Variants in TMTC3 observed in about 807,000 individuals in gnomAD.
TMTC3 encodes protein O-mannosyl-transferase TMTC3.
TMTC3 carries 52 observed loss-of-function variants against 92.2 expected under a neutral mutation model. That is an observed-to-expected ratio of 0.56 (90% CI 0.45 to 0.71). The LOEUF is 0.71. Among genes scored for constraint, TMTC3 ranks in the 30% least tolerant of loss-of-function variants. The probability of loss-of-function intolerance (pLI) is 0.00; values close to 1 mark genes in which losing one functional copy is unlikely to be tolerated. For synonymous variants in TMTC3, 339 were observed against 363.3 expected (o/e 0.93, Z 0.76); for missense variants, 896 against 1,057.1 (o/e 0.85, Z 2.11).
rs1389141684 is a variant in TMTC3, at chr12:88,166,471, G to C, written c.939G>C (p.Glu313Asp). The C allele has an allele frequency of 3.7e-6, 6 of 1,613,796 alleles. No individual in the cohort carries two copies. The highest frequency in any genetic ancestry group is 5.1e-6 in the Non-Finnish European group (6 of 1,179,916). ...DWTMGTIPLI[E>D]SLLDIRNLAT... is the part of the protein sequence containing the mutation. ...CCATGGGAACAATACCACTTATAGA[G>C]TCATTACTAGATATTCGAAATCTGG... The change falls in exon 7 of 14, where the codon GAG becomes GAC. Residue 313 changes from glutamate to aspartate, a missense_variant. By Grantham distance (45) the Glu-to-Asp change is conservative. Transcript: ENST00000266712.
rs1555234668 is a variant in TMTC3, at chr12:88,192,028, C to CTTTTCTT, written c.1707-572_1707-571insCTTTTTT. On this transcript the variant is annotated intron_variant, in intron 12 of 13. Transcript: ENST00000266712. The stretch of plus-strand genomic sequence containing the variant: ...CCAGCATTTTTCTTTTTTTTTTTTT[C>CTTTTCTT]TTTTTTTTTTTTAAGAATGGTCGTA... Among the ~76,000 whole-genome samples, 890 of 123,024 alleles carry CTTTTCTT rather than the reference C, an allele frequency of 7.2e-3. 3 individuals are homozygous for CTTTTCTT. The highest frequency in any genetic ancestry group is 0.034 in the South Asian group (131 of 3,868). 80.7% of individuals were successfully genotyped at this position (123,024 alleles called of 152,430 possible). A position where few individuals can be genotyped will look rare whatever the true frequency, so the allele number is the denominator to read the frequency against.
At chr12:88,167,703 T>G (rs2041161461) in intron 7 of TMTC3, among the ~76,000 whole-genome samples, 1 of 152,192 alleles carries the variant, frequency 6.6e-6, no homozygotes, top group Non-Finnish European at 1.5e-5. Flanking sequence ...ACAGAGTAGA[T>G]TTAAAGATTG....
chr12:88,156,954 T>G (rs2041019872), intron 4 of TMTC3, among the ~76,000 whole-genome samples: 1 of 152,028 alleles, frequency 6.6e-6, no homozygotes, highest in Admixed American at 6.6e-5. Context: ...AGTAATGTTG[T>G]TTTCTATACC....
At chr12:88,181,370 C>T (rs2041316453) in intron 10 of TMTC3, among the ~76,000 whole-genome samples, 1 of 152,116 alleles carries the variant, frequency 6.6e-6, no homozygotes. Flanking sequence ...AAGGAGGAGA[C>T]ATGCCTGTGA....
At chr12:88,147,247 TTTAC>T (rs2040887342) in intron 1 of TMTC3, among the ~76,000 whole-genome samples, 1 of 152,112 alleles carries the variant, frequency 6.6e-6, no homozygotes, top group Admixed American at 6.6e-5. Flanking sequence ...ACAGGTTTAA[TTTAC>T]TTTTTTCTTC....
chr12:88,169,995 G>A (rs1275929877), intron 7 of TMTC3, among the ~76,000 whole-genome samples: 2 of 151,798 alleles, frequency 1.3e-5, no homozygotes, highest in East Asian at 3.9e-4. Context: ...TGACTGAGTG[G>A]TTTGCCGTAT....
In TMTC3 at chr12:88,195,739, G is replaced by A. The variant is rs2041505074; in HGVS notation, c.*90G>A. ...TGGGAGCTTTGAAAAAAAGTTCAAG[G>A]GTTCCTAATGGTCAATCATGAGCTG... On this transcript the variant is annotated 3_prime_UTR_variant, in exon 14 of 14. Coordinates refer to ENST00000266712, the MANE Select transcript of TMTC3 (RefSeq NM_181783.4). 2 of 1,055,762 alleles carry A rather than the reference G, an allele frequency of 1.9e-6. No homozygotes were observed. The highest frequency in any genetic ancestry group is 2.7e-6 in the Non-Finnish European group (2 of 741,478). 65.4% of individuals were successfully genotyped at this position (1,055,762 alleles called of 1,614,324 possible). A position where few individuals can be genotyped will look rare whatever the true frequency, so the allele number is the denominator to read the frequency against.
rs2041547964 is a variant in TMTC3 at position 88,198,902 on chromosome 12, A to G, written c.*3253A>G. On this transcript the variant is annotated 3_prime_UTR_variant, in exon 14 of 14. Transcript: ENST00000266712. ...TTTGTCCAAAAGTTTATCTGTTGGAAGCCGCCAGCCATTCATGTAGAGAGT... is the reference window on the plus strand; with the variant it reads ...TTTGTCCAAAAGTTTATCTGTTGGAGGCCGCCAGCCATTCATGTAGAGAGT... 6.6e-6 allele frequency: 1 copy of G among 152,330 alleles called. No homozygotes were observed. The highest frequency in any genetic ancestry group is 1.9e-4 in the East Asian group (1 of 5,202). 9.4% of individuals were successfully genotyped at this position (152,330 alleles called of 1,614,324 possible).
rs149295304 is a variant in TMTC3, at chr12:88,178,759, A to G, written c.1432+2440A>G. ...TCTAAGAGTTTTTAGAGAAGCAGCCATCTTTGATTGTCAGGCACACAAGGG... is the reference window on the plus strand; with the variant it reads ...TCTAAGAGTTTTTAGAGAAGCAGCCGTCTTTGATTGTCAGGCACACAAGGG... On this transcript the variant is annotated intron_variant, in intron 10 of 13. Transcript: ENST00000266712. Among the ~76,000 whole-genome samples, 1,251 of 152,278 alleles carry G rather than the reference A, an allele frequency of 8.2e-3. 9 individuals carry two copies. The highest frequency in any genetic ancestry group is 0.014 in the Non-Finnish European group (981 of 68,018).
At position 88,195,464 on chromosome 12, in the gene TMTC3, A is replaced by G; in HGVS notation, c.2560A>G (p.Arg854Gly). The G allele has an allele frequency of 5.0e-6, 8 of 1,613,060 alleles. No individual in the cohort carries two copies. Among genetic ancestry groups the G allele is most frequent in the Non-Finnish European group, 6.8e-6 (8 of 1,179,694 alleles). ...TGTAAAAGAAATTAGAGGTGAATCC[A>G]GACAAACACAAATAGTAAAAACAAG... ...ESVKEIRGES[R>G]QTQIVKTSDN... is the part of the protein sequence containing the mutation. Residue 854 changes from arginine to glycine, a missense_variant, in exon 14 of 14, where the codon AGA (arginine) becomes GGA (glycine). By Grantham distance (125) the Arg-to-Gly change is moderately radical. Transcript: ENST00000266712.
intron 10 of TMTC3, among the ~76,000 whole-genome samples, 156 bp downstream of exon 10, chr12:88,176,475 C>G (rs548511256): frequency 6.6e-6 from 1 of 152,066 alleles, no homozygotes; most frequent in South Asian, 2.1e-4. Flanking sequence ...ATATAACAGC[C>G]ACTTAATATC....
At chr12:88,172,795 A>C (rs758513614) in intron 8 of TMTC3, 50 bp downstream of exon 8, 1 of 1,557,870 alleles carries the variant, frequency 6.4e-7, no homozygotes, top group Non-Finnish European at 8.7e-7. Context: ...ATTAAGTGTG[A>C]CACATTTTAA....
rs751593542 is a variant in TMTC3, at chr12:88,153,437, A to G, written c.336A>G (p.Lys112=). Residue 112 remains lysine (K), a synonymous_variant, in exon 3 of 14, where the codon AAA becomes AAG. Transcript: ENST00000266712. ...VVSVIFLKVC[K]LFLDNKSSVI... ...GTGTGATATTTCTCAAAGTATGCAA[A>G]CTTTTTCTGGACAACAAGAGTAGTG... is the stretch of plus-strand genomic sequence containing the variant. The G allele has an allele frequency of 1.4e-5, 22 of 1,613,604 alleles. No homozygotes were observed. Among genetic ancestry groups the G allele is most frequent in the Non-Finnish European group, 1.9e-5 (22 of 1,179,808 alleles).
intron 13 of TMTC3, 85 bp downstream of exon 13, chr12:88,192,915 A>G: frequency 8.9e-7 from 1 of 1,123,004 alleles, no homozygotes. Context: ...TACCCATAGC[A>G]AACACTTTAT....
At chr12:88,184,947 T>G (rs1430789496) in intron 10 of TMTC3, among the ~76,000 whole-genome samples, 1 of 152,152 alleles carries the variant, frequency 6.6e-6, no homozygotes, top group Admixed American at 6.5e-5. Context: ...GCACATATAC[T>G]CTGGTGTAAT....
intron 4 of TMTC3, among the ~76,000 whole-genome samples, chr12:88,157,151 T>C (rs1301019321): frequency 6.6e-6 from 1 of 152,082 alleles, no homozygotes; most frequent in Non-Finnish European, 1.5e-5. Context: ...TATGAGTATA[T>C]TGAAGAAATA....
At chr12:88,147,280 C>T (rs1036760391) in intron 1 of TMTC3, among the ~76,000 whole-genome samples, 1 of 151,972 alleles carries the variant, frequency 6.6e-6, no homozygotes, top group Admixed American at 6.6e-5. Flanking sequence ...TTAAACTTTC[C>T]TGTGGTTAGA....
intron 6 of TMTC3, among the ~76,000 whole-genome samples, chr12:88,163,116 A>G (rs1219544563): frequency 1.3e-5 from 2 of 152,034 alleles, no homozygotes; most frequent in Non-Finnish European, 2.9e-5. Flanking sequence ...GGGTTTCTCC[A>G]TATTGGTCAG....
At chr12:88,169,480 C>T (rs1345250040) in intron 7 of TMTC3, among the ~76,000 whole-genome samples, 3 of 151,994 alleles carry the variant, frequency 2.0e-5, no homozygotes, top group Admixed American at 1.3e-4. Context: ...CAGTATAGTC[C>T]TAATAAAGGT....
Sources: allele counts gnomAD v4.1 joint callset (sites outside exome capture counted in the v4.1 genomes callset), GRCh38; gene constraint gnomAD v4.1.1; transcripts MANE v1.5; gene names NCBI Gene and HGNC (gene_info 2026-07-23, HGNC 2026-07-21).